ENTREP2: variants seen among roughly 807,000 people sequenced by gnomAD.
The protein encoded by ENTREP2 is endosomal transmembrane epsin interactor 2, also known as protein ENTREP2.
the ENTREP2 span, among the ~76,000 whole-genome samples, chr15:29,372,240 C>A: frequency 6.6e-6 from 1 of 152,180 alleles, no homozygotes; most frequent in African/African-American, 2.4e-5. Flanking sequence ...CCTCAGCCTA[C>A]TCAACTGATG....
At chr15:29,250,696 A>C in the ENTREP2 span, among the ~76,000 whole-genome samples, 1 of 152,116 alleles carries the variant, frequency 6.6e-6, no homozygotes, top group Non-Finnish European at 1.5e-5. Context: ...AAAAATGGCC[A>C]GTTCCTTGTA....
At chr15:29,635,796 AC>A in the ENTREP2 span, among the ~76,000 whole-genome samples, 1 of 152,150 alleles carries the variant, frequency 6.6e-6, no homozygotes, top group East Asian at 1.9e-4. Flanking sequence ...TTAATTGCAG[AC>A]CTGCTCCTGT....
chr15:29,303,052 C>A, the ENTREP2 span, among the ~76,000 whole-genome samples: 1 of 152,090 alleles, frequency 6.6e-6, no homozygotes, highest in Admixed American at 6.5e-5. Flanking sequence ...GCCGCTTCTA[C>A]TCGGAGCCAC....
the ENTREP2 span, among the ~76,000 whole-genome samples, chr15:29,599,488 A>G: frequency 1.3e-4 from 20 of 152,202 alleles, no homozygotes; most frequent in Non-Finnish European, 2.4e-4. Flanking sequence ...AAGCTGATAT[A>G]GAGGAGAAAA....
the ENTREP2 span, among the ~76,000 whole-genome samples, chr15:29,542,526 G>A: frequency 2.0e-3 from 298 of 150,478 alleles, 2 homozygotes; most frequent in African/African-American, 6.6e-3. Context: ...GGACTGTCTC[G>A]ATCTCCTGAC....
chr15:29,539,032 G>A, the ENTREP2 span, among the ~76,000 whole-genome samples: 2 of 152,162 alleles, frequency 1.3e-5, no homozygotes, highest in Non-Finnish European at 1.5e-5. Flanking sequence ...CTTCCCTGCT[G>A]GGGACTGACT....
chr15:29,401,785 G>C, the ENTREP2 span, among the ~76,000 whole-genome samples: 1 of 152,192 alleles, frequency 6.6e-6, no homozygotes, highest in Non-Finnish European at 1.5e-5. Context: ...CATAGAACAT[G>C]AATATGTGCA....
the ENTREP2 span, among the ~76,000 whole-genome samples, chr15:29,487,248 T>A: frequency 6.6e-6 from 1 of 152,190 alleles, no homozygotes; most frequent in Non-Finnish European, 1.5e-5. Context: ...GACAGCCATG[T>A]GAATGCCCAG....
chr15:29,123,434 G>A, the ENTREP2 span: 5 of 1,551,670 alleles, frequency 3.2e-6, no homozygotes, highest in Non-Finnish European at 2.6e-6. Flanking sequence ...ACCATGTGCT[G>A]TGCCTCGGTG....
the ENTREP2 span, among the ~76,000 whole-genome samples, chr15:29,377,903 G>A: frequency 4.7e-5 from 7 of 150,284 alleles, no homozygotes; most frequent in African/African-American, 1.7e-4. Flanking sequence ...GAATAAGTAT[G>A]ATGGGTGAGG....
the ENTREP2 span, among the ~76,000 whole-genome samples, chr15:29,458,455 C>T: frequency 3.9e-5 from 6 of 152,120 alleles, no homozygotes; most frequent in African/African-American, 1.2e-4. Context: ...CGCAGAGCCA[C>T]GGGCACGGTA....
At chr15:29,123,896 C>T in the ENTREP2 span, among the ~76,000 whole-genome samples, 1 of 152,160 alleles carries the variant, frequency 6.6e-6, no homozygotes, top group Admixed American at 6.5e-5. Context: ...AGGGCCACCA[C>T]AGCAGGCAGC....
the ENTREP2 span, among the ~76,000 whole-genome samples, chr15:29,635,223 T>C: frequency 6.6e-6 from 1 of 151,886 alleles, no homozygotes; most frequent in Non-Finnish European, 1.5e-5. Flanking sequence ...CGTTGGGGGG[T>C]TGGGCTGAAA....
At chr15:29,353,529 C>T in the ENTREP2 span, among the ~76,000 whole-genome samples, 3 of 152,112 alleles carry the variant, frequency 2.0e-5, no homozygotes, top group Non-Finnish European at 4.4e-5. Context: ...CATGGAAGTA[C>T]ACATGTATGC....
the ENTREP2 span, among the ~76,000 whole-genome samples, chr15:29,578,481 T>G: frequency 9.1e-4 from 138 of 152,320 alleles, 1 homozygote; most frequent in Middle Eastern, 3.4e-3. Flanking sequence ...TGACTTGTCT[T>G]TGTTCGTTAG....
chr15:29,232,726 C>A, the ENTREP2 span, among the ~76,000 whole-genome samples: 1 of 152,122 alleles, frequency 6.6e-6, no homozygotes, highest in Non-Finnish European at 1.5e-5. Flanking sequence ...CCAGGCTGGT[C>A]TCAAACTTCT....
chr15:29,160,401 G>A, the ENTREP2 span, among the ~76,000 whole-genome samples: 1 of 152,158 alleles, frequency 6.6e-6, no homozygotes, highest in South Asian at 2.1e-4. Flanking sequence ...CCGAGAGCCA[G>A]GGAAGGCTGC....
At chr15:29,499,790 A>T in the ENTREP2 span, among the ~76,000 whole-genome samples, 5 of 152,176 alleles carry the variant, frequency 3.3e-5, no homozygotes, top group African/African-American at 4.8e-5. Context: ...AAACTCTCTA[A>T]GAGAAAGGCA....
chr15:29,474,559 T>TG, the ENTREP2 span, among the ~76,000 whole-genome samples: 374 of 151,834 alleles, frequency 2.5e-3, 2 homozygotes, highest in African/African-American at 8.6e-3. Flanking sequence ...CTGTTGTTGT[T>TG]TTTTTTTCCT....
Sources: allele counts gnomAD v4.1 joint callset (sites outside exome capture counted in the v4.1 genomes callset), GRCh38; gene constraint gnomAD v4.1.1; transcripts MANE v1.5; gene names NCBI Gene and HGNC (gene_info 2026-07-23, HGNC 2026-07-21).